SCAPER: variants seen among roughly 807,000 people sequenced by gnomAD.
The protein encoded by SCAPER is S phase cyclin A-associated protein in the endoplasmic reticulum.
In SCAPER, 98 loss-of-function variants were observed where a neutral mutation model predicts 182.2. The observed-to-expected ratio is 0.54, with a 90% CI of 0.46 to 0.64. The LOEUF (loss-of-function observed/expected upper bound fraction) is 0.64. Ranked by LOEUF, SCAPER falls within the 30% of genes least tolerant of loss-of-function variation. The pLI is 0.00. For synonymous variants in SCAPER, 605 were observed against 564.6 expected (o/e 1.07, Z -1.01); for missense variants, 1,432 against 1,690.0 (o/e 0.85, Z 2.68).
intron 28 of SCAPER, chr15:76,379,858 G>C (rs2042830006): frequency 6.6e-6 from 1 of 152,142 alleles, no homozygotes; most frequent in Non-Finnish European, 1.5e-5. Context: ...GGAGGAGAGG[G>C]GCAGGGAGCA....
At position 76,761,946 on chromosome 15, in the gene SCAPER, A is replaced by G. The variant is rs568431887; in HGVS notation, c.1725+3015T>C. On this transcript the variant is annotated intron_variant, in intron 14 of 31. Transcript: ENST00000563290. ...CCCTTCAGATTTGTATTTGTTTTAT[A>G]TATTTATGTGTTAGGTTGCTGGGTG... 3.9e-5 allele frequency among the ~76,000 whole-genome samples: 6 copies of G among 152,224 alleles called. No individual in the cohort carries two copies. In the East Asian group the frequency reaches 7.7e-4, roughly 20 times the overall value.
chr15:76,704,123 G>C (rs1253160586), intron 18 of SCAPER, among the ~76,000 whole-genome samples: 4 of 152,098 alleles, frequency 2.6e-5, no homozygotes, highest in Non-Finnish European at 5.9e-5. Flanking sequence ...CAAATTATAA[G>C]AAACATCTTT....
chr15:76,356,789 C>T (rs1446814802), intron 29 of SCAPER, among the ~76,000 whole-genome samples: 1 of 152,176 alleles, frequency 6.6e-6, no homozygotes, highest in Admixed American at 6.5e-5. Context: ...GCACCAACGG[C>T]AGGGAATGGA....
intron 25 of SCAPER, among the ~76,000 whole-genome samples, chr15:76,467,167 G>A (rs762853227): frequency 6.6e-6 from 1 of 152,154 alleles, no homozygotes; most frequent in African/African-American, 2.4e-5. Flanking sequence ...GCAGAACTGT[G>A]AGTCAATTAA....
intron 20 of SCAPER, among the ~76,000 whole-genome samples, chr15:76,668,901 T>G (rs2056814886): frequency 6.6e-6 from 1 of 152,220 alleles, no homozygotes. Context: ...AGCTAAGTAC[T>G]TTATATAATA....
At chr15:76,371,327 T>C (rs2042157943) in intron 29 of SCAPER, among the ~76,000 whole-genome samples, 1 of 151,862 alleles carries the variant, frequency 6.6e-6, no homozygotes, top group Non-Finnish European at 1.5e-5. Context: ...CTCTTTTTTT[T>C]TTTTTTTGTT....
chr15:76,486,525 C>A (rs1216386209), intron 24 of SCAPER, among the ~76,000 whole-genome samples: 1 of 151,594 alleles, frequency 6.6e-6, no homozygotes, highest in African/African-American at 2.4e-5. Context: ...AAAAAAAAAC[C>A]CCATTAAAAA....
intron 7 of SCAPER, among the ~76,000 whole-genome samples, chr15:76,796,605 A>G (rs113312495): frequency 1.3e-5 from 2 of 152,338 alleles, no homozygotes; most frequent in African/African-American, 4.8e-5. Flanking sequence ...TACGATGATA[A>G]TGAAGACTGA....
chr15:76,466,496 G>A (rs1182185680), intron 25 of SCAPER, among the ~76,000 whole-genome samples: 2 of 114,102 alleles, frequency 1.8e-5, no homozygotes, highest in Non-Finnish European at 3.4e-5. Context: ...TTGTTACCTT[G>A]AGCTCATACA....
chr15:76,876,102 C>T (rs1260933319), intron 2 of SCAPER, among the ~76,000 whole-genome samples: 1 of 152,216 alleles, frequency 6.6e-6, no homozygotes, highest in East Asian at 1.9e-4. Context: ...CGGGGCCACT[C>T]CGAGTACAGG....
At chr15:76,726,980 A>G (rs1172017097) in intron 17 of SCAPER, among the ~76,000 whole-genome samples, 1 of 152,038 alleles carries the variant, frequency 6.6e-6, no homozygotes, top group Non-Finnish European at 1.5e-5. Context: ...AAACTTAAAA[A>G]TGATTAAAAT....
chr15:76,812,375 G>A (rs2066692313), intron 5 of SCAPER, among the ~76,000 whole-genome samples: 1 of 151,266 alleles, frequency 6.6e-6, no homozygotes, highest in Non-Finnish European at 1.5e-5. Context: ...TGTAATTCCA[G>A]CTATTTGGGA....
chr15:76,818,334 T>C (rs1005358393), intron 5 of SCAPER, among the ~76,000 whole-genome samples: 3 of 152,102 alleles, frequency 2.0e-5, no homozygotes, highest in African/African-American at 7.2e-5. Flanking sequence ...AATACAAAAC[T>C]ATACAACTCC....
At chr15:76,565,904 C>T (rs2047001507) in intron 23 of SCAPER, among the ~76,000 whole-genome samples, 2 of 152,072 alleles carry the variant, frequency 1.3e-5, no homozygotes, top group South Asian at 4.2e-4. Flanking sequence ...CAGCTATATT[C>T]AGTTATGTAT....
At chr15:76,362,715 C>T (rs1566993555) in intron 29 of SCAPER, among the ~76,000 whole-genome samples, 5 of 122,164 alleles carry the variant, frequency 4.1e-5, no homozygotes, top group South Asian at 4.7e-4. Flanking sequence ...TCAGCCCTTG[C>T]TCTCTCTCTT....
At chr15:76,452,820 T>C (rs2142856453) in intron 25 of SCAPER, among the ~76,000 whole-genome samples, 1 of 152,256 alleles carries the variant, frequency 6.6e-6, no homozygotes, top group African/African-American at 2.4e-5. Flanking sequence ...ACTATTAGAA[T>C]AACTGCAAGT....
chr15:76,465,131 T>G lies in SCAPER; in HGVS notation c.3078+6081A>C, dbSNP rs112118437. On this transcript the variant is annotated intron_variant, in intron 25 of 31. Coordinates refer to ENST00000563290, the MANE Select transcript of SCAPER (RefSeq NM_020843.4). ...TTCTTTATATATTTGGATATTAACGTCTGACTTATTCCATTTGAGCTGCTA... is the reference window on the plus strand; with the variant it reads ...TTCTTTATATATTTGGATATTAACGGCTGACTTATTCCATTTGAGCTGCTA... 8.3e-3 allele frequency among the ~76,000 whole-genome samples: 1,257 copies of G among 152,288 alleles called. 17 individuals carry two copies. Among genetic ancestry groups the G allele is most frequent in the African/African-American group, 0.029 (1,196 of 41,564 alleles).
Position 76,348,644 on chromosome 15 carries a change from CT to C in SCAPER, c.4191del (p.Glu1398ArgfsTer8). On this transcript the variant is annotated frameshift_variant, in exon 32 of 32. Coordinates refer to ENST00000563290, the MANE Select transcript of SCAPER (RefSeq NM_020843.4). LOFTEE classifies it high-confidence loss of function. The stretch of plus-strand genomic sequence containing the variant: ...ATCAACCAAAACATTTATTTTTTCT[CT>C]TTTTTCAAGAAAAACTGTCGAGCTT... ...WEEARQFFLK[K>X]EKK 2 of 1,542,468 alleles carry C rather than the reference CT, an allele frequency of 1.3e-6. No individual in the cohort carries two copies. The highest frequency in any genetic ancestry group is 2.1e-5 in the Admixed American group (1 of 48,698).
Position 76,593,703 on chromosome 15 carries a change from C to A in SCAPER, c.2712-19419G>T, listed in dbSNP as rs181661884. Among the ~76,000 whole-genome samples the A allele has an allele frequency of 3.9e-4, 48 of 121,722 alleles. 9 individuals are homozygous for A. The highest frequency in any genetic ancestry group is 1.0e-3 in the African/African-American group (40 of 39,914). The allele number at this position is 121,722 out of a possible 152,430, so 79.9% of individuals were successfully genotyped here. A position where few individuals can be genotyped will look rare whatever the true frequency, so the allele number is the denominator to read the frequency against. On this transcript the variant is annotated intron_variant, in intron 22 of 31. Transcript: ENST00000563290. ...AACAGGATCTGGAGTGGACCTCCAG[C>A]AAACTCCAGCAGACCTGAAGTACAG...
Sources: allele counts gnomAD v4.1 joint callset (sites outside exome capture counted in the v4.1 genomes callset), GRCh38; gene constraint gnomAD v4.1.1; transcripts MANE v1.5; gene names NCBI Gene and HGNC (gene_info 2026-07-23, HGNC 2026-07-21).